MLIP: variants seen among roughly 807,000 people sequenced by gnomAD.
MLIP encodes the protein muscular LMNA interacting protein, also known as muscular LMNA-interacting protein.
In MLIP, 79 loss-of-function variants were observed where a neutral mutation model predicts 84.8. The ratio of observed to expected loss-of-function variants is 0.93; its 90% CI spans 0.78 to 1.12. The LOEUF (loss-of-function observed/expected upper bound fraction) is 1.12, where lower values mean the gene tolerates loss of function less well. Among genes scored for constraint, MLIP ranks in the 50% most tolerant of loss-of-function variants. The probability of loss-of-function intolerance (pLI) is 0.00; values close to 1 mark genes in which losing one functional copy is unlikely to be tolerated. For missense variants in MLIP, 1,257 were observed against 1,160.6 expected, an observed-to-expected ratio of 1.08 and a Z score of -1.21; for synonymous variants, 504 against 463.0, an observed-to-expected ratio of 1.09 and a Z score of -1.14.
intron 1 of MLIP, among the ~76,000 whole-genome samples, chr6:54,074,124 G>T (rs1306198353): frequency 6.6e-6 from 1 of 152,114 alleles, no homozygotes; most frequent in Non-Finnish European, 1.5e-5. Context: ...TATCTACCAC[G>T]TTCATTATCT....
chr6:54,090,607 G>A (rs1767801012), intron 1 of MLIP, among the ~76,000 whole-genome samples: 1 of 151,728 alleles, frequency 6.6e-6, no homozygotes, highest in African/African-American at 2.4e-5. Flanking sequence ...CATAAGCATC[G>A]GTTGTGTGCA....
chr6:54,227,532 A>C (rs1488589710), intron 11 of MLIP, among the ~76,000 whole-genome samples: 1 of 152,236 alleles, frequency 6.6e-6, no homozygotes, highest in Non-Finnish European at 1.5e-5. Context: ...GCCAAAGCGC[A>C]TACTGGGGTA....
intron 1 of MLIP, among the ~76,000 whole-genome samples, chr6:54,092,030 A>G (rs983072775): frequency 1.3e-5 from 2 of 152,168 alleles, no homozygotes; most frequent in African/African-American, 2.4e-5. Context: ...TAATTTGTCA[A>G]CCTGGGTAGT....
At chr6:54,019,054 G>T in exon 1 of MLIP, 1 of 1,611,550 alleles carries the variant, frequency 6.2e-7, no homozygotes, top group Non-Finnish European at 8.5e-7. Context: ...CGTGAAAAAA[G>T]AAGCTTATTA....
chr6:54,121,568 A>G lies in MLIP; in HGVS notation c.218A>G (p.Glu73Gly). ...TSKFLVKIPE[E>G]SSDKSPETVN... Reference sequence around the variant, plus strand: ...AAATTCCTTGTTAAAATTCCAGAAGAATCAAGTGATAAGAGTCCAGAAACT... The same window carrying G: ...AAATTCCTTGTTAAAATTCCAGAAGGATCAAGTGATAAGAGTCCAGAAACT... The change falls in exon 2 of 14, where the codon GAA becomes GGA. Residue 73 changes from glutamate (E) to glycine (G), a missense_variant. Physicochemically the swap from Glu to Gly is moderately conservative, Grantham distance 98 (BLOSUM62 -2). Transcript: ENST00000502396. 1 of 1,613,542 alleles carries G rather than the reference A, an allele frequency of 6.2e-7. No homozygotes were observed. Among genetic ancestry groups the G allele is most frequent in the East Asian group, 2.2e-5 (1 of 44,866 alleles).
At chr6:54,133,925 A>ACATGGT (rs1771596221) in intron 3 of MLIP, among the ~76,000 whole-genome samples, 1 of 152,152 alleles carries the variant, frequency 6.6e-6, no homozygotes. Context: ...GTATTGGAAA[A>ACATGGT]CATGGTCATT....
intron 12 of MLIP, among the ~76,000 whole-genome samples, chr6:54,241,148 G>A (rs938832578): frequency 2.0e-5 from 3 of 151,350 alleles, no homozygotes; most frequent in Non-Finnish European, 1.5e-5. Flanking sequence ...ATTCTCTAAT[G>A]ATTCAGCAAG....
chr6:54,247,044 C>T (rs1782128866), intron 12 of MLIP, among the ~76,000 whole-genome samples: 1 of 152,038 alleles, frequency 6.6e-6, no homozygotes, highest in South Asian at 2.1e-4. Context: ...TATTTAAGTC[C>T]TTGACCCAAG....
At chr6:54,209,306 A>G (rs549568256) in intron 11 of MLIP, among the ~76,000 whole-genome samples, 5 of 152,324 alleles carry the variant, frequency 3.3e-5, no homozygotes, top group East Asian at 3.9e-4. Context: ...AATCCTAATG[A>G]GAAGAGCAAC....
At chr6:54,113,210 A>G (rs1415342241) in intron 1 of MLIP, among the ~76,000 whole-genome samples, 1 of 152,194 alleles carries the variant, frequency 6.6e-6, no homozygotes, top group Non-Finnish European at 1.5e-5. Context: ...AGGCCTAGTT[A>G]CAGAACCTGG....
chr6:54,259,808 C>T (rs758147744), intron 13 of MLIP, among the ~76,000 whole-genome samples: 12 of 151,834 alleles, frequency 7.9e-5, no homozygotes, highest in African/African-American at 1.2e-4. Context: ...AATATTGGCA[C>T]ATTTTGGAGC....
intron 1 of MLIP, among the ~76,000 whole-genome samples, chr6:54,052,110 T>C (rs920264437): frequency 1.3e-5 from 2 of 152,188 alleles, no homozygotes; most frequent in Non-Finnish European, 2.9e-5. Flanking sequence ...ATAGAAAAGA[T>C]AATGGTAACA....
At chr6:54,140,046 A>G (rs1772157463) in intron 4 of MLIP, among the ~76,000 whole-genome samples, 1 of 152,192 alleles carries the variant, frequency 6.6e-6, no homozygotes. Flanking sequence ...TGACCTGTTT[A>G]TTATATTTTA....
intron 1 of MLIP, among the ~76,000 whole-genome samples, chr6:54,111,892 A>G (rs1358998482): frequency 6.6e-6 from 1 of 152,184 alleles, no homozygotes; most frequent in Non-Finnish European, 1.5e-5. Context: ...TTTTAGGGAA[A>G]TATAAGAAAG....
At chr6:54,160,218 A>C (rs573926322) in intron 5 of MLIP, 149 bp from the exon 6 acceptor site, 1 of 646,056 alleles carries the variant, frequency 1.5e-6, no homozygotes, top group African/African-American at 1.8e-5. Context: ...TAAAAGAAAA[A>C]TGTCTTCATG....
chr6:54,074,402 C>T (rs539904505), intron 1 of MLIP, among the ~76,000 whole-genome samples: 4 of 150,120 alleles, frequency 2.7e-5, no homozygotes, highest in South Asian at 2.1e-4. Context: ...AAAATTAACG[C>T]GATGATTTTT....
At chr6:54,232,430 C>A (rs1055000969) in intron 12 of MLIP, among the ~76,000 whole-genome samples, 3 of 152,102 alleles carry the variant, frequency 2.0e-5, no homozygotes, top group African/African-American at 7.2e-5. Flanking sequence ...CAACTATTTT[C>A]AGTCCACATA....
chr6:54,049,391 C>G (rs1026592087), intron 1 of MLIP, among the ~76,000 whole-genome samples: 1 of 152,126 alleles, frequency 6.6e-6, no homozygotes, highest in African/African-American at 2.4e-5. Context: ...GGTCAGTGCT[C>G]TAGTGTCATG....
intron 1 of MLIP, among the ~76,000 whole-genome samples, chr6:54,062,257 T>C (rs1438169677): frequency 6.6e-6 from 1 of 152,180 alleles, no homozygotes; most frequent in East Asian, 1.9e-4. Context: ...CCTAAATGAG[T>C]TGTTCTTCCT....
Sources: gnomAD v4.1 joint callset for allele counts (sites outside exome capture counted in the v4.1 genomes callset) on GRCh38, gnomAD v4.1.1 for gene constraint, MANE v1.5 for transcripts, NCBI Gene and HGNC (gene_info 2026-07-23, HGNC 2026-07-21) for gene names.